Variants in PPL observed in about 807,000 individuals in gnomAD.
PPL encodes periplakin.
PPL carries 198 observed loss-of-function variants against 194.4 expected under a neutral mutation model. That is an observed-to-expected ratio of 1.02 (90% CI 0.91 to 1.15). PPL has a LOEUF of 1.15. Among genes scored for constraint, PPL ranks in the 50% most tolerant of loss-of-function variants. The pLI is 0.00. For missense variants in PPL, 2,885 were observed against 2,294.8 expected (o/e 1.26, Z -5.25); for synonymous variants, 1,220 against 972.4 (o/e 1.25, Z -4.74).
intron 14 of PPL, 122 bp from the exon 15 acceptor site, chr16:4,892,335 C>T: frequency 9.0e-7 from 1 of 1,111,090 alleles, no homozygotes; most frequent in Non-Finnish European, 1.3e-6. Context: ...AGAGGCCTGG[C>T]ACATTCTGGG....
intron 1 of PPL, among the ~76,000 whole-genome samples, chr16:4,911,509 ATTCATTCATTCG>A (rs2142387556): frequency 6.7e-6 from 1 of 149,864 alleles, no homozygotes; most frequent in Admixed American, 6.8e-5. Flanking sequence ...TTTTATTTTT[ATTCATTCATTCG>A]TTCATTCATT....
chr16:4,903,894 G>A lies in PPL; in HGVS notation c.309C>T (p.Ile103=), dbSNP rs1370273248. 8.7e-6 allele frequency: 14 copies of A among 1,613,846 alleles called. No individual in the cohort carries two copies. Among genetic ancestry groups the A allele is most frequent in the Middle Eastern group, 1.6e-4 (1 of 6,084 alleles). Residue 103 remains isoleucine (I), a synonymous_variant, in exon 3 of 22, where the codon ATC becomes ATT. Transcript: ENST00000345988. The part of the protein sequence containing the change: ...KHMKHPQGDM[I]AEDIRQLKER... The stretch of plus-strand genomic sequence containing the variant: ...AAGCAGAAGGGACCTACTCCTCGGC[G>A]ATCATGTCCCCCTGTGGGTGCTTCA...
At chr16:4,897,520 G>A (rs1356465330) in intron 9 of PPL, among the ~76,000 whole-genome samples, 155 bp downstream of exon 9, 2 of 151,996 alleles carry the variant, frequency 1.3e-5, no homozygotes, top group Admixed American at 6.6e-5. Context: ...GTCTGCACAC[G>A]CCATCAGAAG....
intron 11 of PPL, among the ~76,000 whole-genome samples, 171 bp downstream of exon 11, chr16:4,895,089 TG>T (rs1440636329): frequency 1.3e-5 from 2 of 151,828 alleles, no homozygotes; most frequent in East Asian, 3.9e-4. Context: ...GCAGCCGAGG[TG>T]GGGGCGGCAT....
chr16:4,883,538 TC>T lies in PPL; in HGVS notation c.5116del (p.Glu1706SerfsTer4). ...EEISVKGPNG[E>X]SSVIHDRKSG... ...CTTCCTGTCGTGTATCACTGAGGAC[TC>T]CCCATTGGGACCCTTCACTGAGATC... On this transcript the variant is annotated frameshift_variant, in exon 22 of 22. Coordinates refer to ENST00000345988, the MANE Select transcript of PPL (RefSeq NM_002705.5). LOFTEE classifies it high-confidence loss of function. This position sits in a 1 kb window ranked among gnomAD's most constrained non-coding sequence, Gnocchi z 4.8. 1 of 1,614,162 alleles carries T rather than the reference TC, an allele frequency of 6.2e-7. No individual in the cohort carries two copies. Among genetic ancestry groups the T allele is most frequent in the Admixed American group, 1.7e-5 (1 of 60,014 alleles).
chr16:4,897,697 T>C lies in PPL; in HGVS notation c.950A>G (p.Lys317Arg). 2 of 1,613,870 alleles carry C rather than the reference T, an allele frequency of 1.2e-6. No homozygotes were observed. The highest frequency in any genetic ancestry group is 8.5e-7 in the Non-Finnish European group (1 of 1,179,980). Reference protein sequence around the residue: ...NLLICEESHLKYMEDYHQFHE... With the variant: ...NLLICEESHLRYMEDYHQFHE... Reference sequence around the variant, plus strand: ...TACCTGGTGGTAGTCCTCCATGTACTTGAGGTGGCTCTCCTCGCAGATGAG... The same window carrying C: ...TACCTGGTGGTAGTCCTCCATGTACCTGAGGTGGCTCTCCTCGCAGATGAG... Residue 317 changes from lysine (K) to arginine (R), a missense_variant, in exon 9 of 22, where the codon AAG (lysine) becomes AGG (arginine). Physicochemically the swap from Lys to Arg is conservative, Grantham distance 26. Coordinates refer to ENST00000345988, the MANE Select transcript of PPL (RefSeq NM_002705.5).
At position 4,895,392 on chromosome 16, in the gene PPL, G is replaced by C; in HGVS notation, c.1111C>G (p.Leu371Val). Residue 371 changes from leucine to valine, a missense_variant, in exon 11 of 22, where the codon CTG (leucine) becomes GTG (valine). Leu to Val is a conservative substitution (Grantham distance 32). Transcript: ENST00000345988. ...LRELDDQEKV[L>V]DKYEDVVQGL... ...TGCACCACGTCCTCATACTTGTCCAGCACCTTCTCCTGGTCCTGGAGAGAA... is the reference window on the plus strand; with the variant it reads ...TGCACCACGTCCTCATACTTGTCCACCACCTTCTCCTGGTCCTGGAGAGAA... The C allele has an allele frequency of 6.2e-7, 1 of 1,613,298 alleles. No homozygotes were observed. The highest frequency in any genetic ancestry group is 8.5e-7 in the Non-Finnish European group (1 of 1,179,906).
chr16:4,898,816 G>A (rs1279555637), intron 8 of PPL, among the ~76,000 whole-genome samples, 197 bp downstream of exon 8: 6 of 152,246 alleles, frequency 3.9e-5, no homozygotes, highest in Non-Finnish European at 5.9e-5. Flanking sequence ...AAGTCCAGGG[G>A]CTGAGGGCAG....
Position 4,892,096 on chromosome 16 carries a change from C to T in PPL, c.1768G>A (p.Val590Met), listed in dbSNP as rs779235019. Residue 590 changes from valine to methionine, a missense_variant, in exon 15 of 22, where the codon GTG (valine) becomes ATG (methionine). Coordinates refer to ENST00000345988, the MANE Select transcript of PPL (RefSeq NM_002705.5). ...SGTTPLLRTR[V>M]EDTNRKYEHL... ...TCGTATTTCCGGTTGGTGTCCTCCA[C>T]CCGGGTCCTCAGCAGGGGTGTGGTG... 1.9e-6 allele frequency: 3 copies of T among 1,613,810 alleles called. No individual in the cohort carries two copies. The African/African-American group carries it at 4.0e-5, about 21-fold the overall frequency.
intron 18 of PPL, among the ~76,000 whole-genome samples, chr16:4,889,975 T>C (rs1264418880): frequency 2.0e-5 from 3 of 152,252 alleles, no homozygotes; most frequent in Non-Finnish European, 2.9e-5. Flanking sequence ...TGCGGGGCAC[T>C]GAGCTGGGAG....
chr16:4,899,688 C>G (rs994801724), intron 6 of PPL, among the ~76,000 whole-genome samples: 4 of 152,026 alleles, frequency 2.6e-5, no homozygotes, highest in Admixed American at 6.6e-5. Context: ...AAAACCCTTA[C>G]GGAACTGACA....
In PPL at chr16:4,891,808, C is replaced by CA. The variant is rs2088323601; in HGVS notation, c.1968+2dup. 6.2e-7 allele frequency: 1 copy of CA among 1,607,144 alleles called. No individual in the cohort carries two copies. The highest frequency in any genetic ancestry group is 1.1e-5 in the South Asian group (1 of 90,028). ...ACTCCCAGGACTTGGGCCCTAGACT[C>CA]ACCGCCAGCTCCTGCCCCTTGCTGT... On this transcript the variant is annotated splice_region_variant and intron_variant, in intron 16 of 21. Transcript: ENST00000345988.
chr16:4,883,999 G>A lies in PPL; in HGVS notation c.4656C>T (p.Ser1552=). The change falls in exon 22 of 22, where the codon TCC becomes TCT. Residue 1552 remains serine (S), a synonymous_variant. Transcript: ENST00000345988. The surrounding 1 kb of genome is among the most constrained non-coding windows in gnomAD (Gnocchi z 4.8). Reference sequence around the variant, plus strand: ...GAAAGTCTAGTTCCTTGGATGACTTGGAGTTATGGAATTCCAGCTCCGAAA... The same window carrying A: ...GAAAGTCTAGTTCCTTGGATGACTTAGAGTTATGGAATTCCAGCTCCGAAA... The part of the protein sequence containing the change: ...ARLSELEFHN[S]KSSKELDFLR... 6.2e-7 allele frequency: 1 copy of A among 1,614,010 alleles called. No individual in the cohort carries two copies. The highest frequency in any genetic ancestry group is 1.3e-5 in the African/African-American group (1 of 75,056).
In PPL at chr16:4,884,868, C is replaced by G; in HGVS notation, c.3787G>C (p.Glu1263Gln). The change falls in exon 22 of 22, where the codon GAA (glutamate) becomes CAA (glutamine). Residue 1263 changes from glutamate (E) to glutamine (Q), a missense_variant. Transcript: ENST00000345988. This position sits in a 1 kb window ranked among gnomAD's most constrained non-coding sequence, Gnocchi z 5.7. ...EEIVDKTRLI[E>Q]RCDLEIYQLK... ...TGGTAGATCTCTAAATCACACCTTT[C>G]GATCAGTCTGGTCTTGTCCACGATC... 1 of 1,614,110 alleles carries G rather than the reference C, an allele frequency of 6.2e-7. No individual in the cohort carries two copies. The highest frequency in any genetic ancestry group is 1.3e-5 in the African/African-American group (1 of 75,012).
intron 1 of PPL, among the ~76,000 whole-genome samples, chr16:4,921,905 G>A (rs2089057976): frequency 6.6e-6 from 1 of 151,910 alleles, no homozygotes. Flanking sequence ...TCCTCAGAGG[G>A]CCAGCAGGGA....
intron 1 of PPL, among the ~76,000 whole-genome samples, chr16:4,917,696 T>A (rs563031112): frequency 6.6e-6 from 1 of 150,632 alleles, no homozygotes; most frequent in Non-Finnish European, 1.5e-5. Context: ...AGACCAGGAG[T>A]TTGAGAGCAG....
At position 4,895,294 on chromosome 16, in the gene PPL, G is replaced by C. The variant is rs202120245; in HGVS notation, c.1209C>G (p.Pro403=). Residue 403 remains proline (P), a synonymous_variant, in exon 11 of 22, where the codon CCC becomes CCG. Transcript: ENST00000345988. ...CCTCAAAGTCACAGAGTGCCTCCACGGGGATGGGCTTGAGCGGAGTCTCCC... is the reference window on the plus strand; with the variant it reads ...CCTCAAAGTCACAGAGTGCCTCCACCGGGATGGGCTTGAGCGGAGTCTCCC... The part of the protein sequence containing the change: ...YRRETPLKPI[P]VEALCDFEGE... 3.0e-5 allele frequency: 48 copies of C among 1,611,808 alleles called. No homozygotes were observed. The highest frequency in any genetic ancestry group is 4.0e-5 in the Non-Finnish European group (47 of 1,178,998).
intron 19 of PPL, 117 bp downstream of exon 19, chr16:4,888,861 T>G: frequency 1.1e-5 from 11 of 994,478 alleles, no homozygotes; most frequent in Non-Finnish European, 1.8e-5. Flanking sequence ...CGGCAGTGCC[T>G]CGGATGGCCA....
At chr16:4,911,419 C>T (rs954345131) in intron 1 of PPL, among the ~76,000 whole-genome samples, 1 of 152,162 alleles carries the variant, frequency 6.6e-6, no homozygotes, top group Non-Finnish European at 1.5e-5. Flanking sequence ...ATCTTGGCCT[C>T]CCAAAGTGCT....
Sources: gnomAD v4.1 joint callset for allele counts (sites outside exome capture counted in the v4.1 genomes callset) on GRCh38, gnomAD v4.1.1 for gene constraint, Gnocchi (gnomAD v3.1) non-coding constraint, MANE v1.5 for transcripts, NCBI Gene and HGNC (gene_info 2026-07-23, HGNC 2026-07-21) for gene names.